XAB2: variants seen among roughly 807,000 people sequenced by gnomAD.
XAB2 encodes XPA binding protein 2.
XAB2 carries 57 observed loss-of-function variants against 113.4 expected under a neutral mutation model. The ratio of observed to expected loss-of-function variants is 0.50; its 90% CI spans 0.41 to 0.63. The LOEUF (loss-of-function observed/expected upper bound fraction) is 0.63, where lower values mean the gene tolerates loss of function less well. Among genes scored for constraint, XAB2 ranks in the 20% least tolerant of loss-of-function variants. The pLI is 0.00. For synonymous variants in XAB2, 497 were observed against 498.8 expected (o/e 1.00, Z 0.05); for missense variants, 1,037 against 1,233.3 (o/e 0.84, Z 2.38).
chr19:7,626,220 G>A lies in XAB2; in HGVS notation c.573C>T (p.Asp191=). Reference sequence around the variant, plus strand: ...GGCGCTGGGCGGCCTCATCCAGCCGGTCACTTGACTTGAGGTACTCAATGT... The same window carrying A: ...GGCGCTGGGCGGCCTCATCCAGCCGATCACTTGACTTGAGGTACTCAATGT... The part of the protein sequence containing the change: ...EEYIEYLKSS[D]RLDEAAQRLA... Residue 191 remains aspartate (D), a synonymous_variant, in exon 5 of 19, where the codon GAC becomes GAT. Transcript: ENST00000358368. 1.2e-6 allele frequency: 2 copies of A among 1,613,700 alleles called. No individual in the cohort carries two copies. The highest frequency in any genetic ancestry group is 1.7e-6 in the Non-Finnish European group (2 of 1,180,024).
In XAB2 at chr19:7,627,866, G is replaced by A; in HGVS notation, c.201-15C>T. 7 of 1,609,986 alleles carry A rather than the reference G, an allele frequency of 4.3e-6. No homozygotes were observed. In the African/African-American group the frequency reaches 6.7e-5, roughly 15 times the overall value. ...AGAGTTTGTAGCTGGGGAATAGGAG[G>A]GGACAGATGCTGATCGGTCAGCTTT... On this transcript the variant is annotated splice_polypyrimidine_tract_variant and intron_variant, in intron 2 of 18. Coordinates refer to ENST00000358368, the MANE Select transcript of XAB2 (RefSeq NM_020196.3). This position sits in a 1 kb window ranked among gnomAD's most constrained non-coding sequence, Gnocchi z 4.5.
Position 7,620,453 on chromosome 19 carries a change from G to A in XAB2, c.2095-7C>T. The A allele has an allele frequency of 6.2e-7, 1 of 1,608,252 alleles. No homozygotes were observed. The highest frequency in any genetic ancestry group is 8.5e-7 in the Non-Finnish European group (1 of 1,177,840). On this transcript the variant is annotated splice_polypyrimidine_tract_variant and splice_region_variant and intron_variant, in intron 15 of 18. Transcript: ENST00000358368. The stretch of plus-strand genomic sequence containing the variant: ...GCCAGAACGCGCCGGTCGTCTGCGT[G>A]GGGGGCAGGGCAGGGGTGGGTGTGT...
Position 7,623,118 on chromosome 19 carries a change from AC to A in XAB2, c.1239+51del. ...TACACACACATACATGCACACATAT[AC>A]AAGCACACACACATGCATGAACACA... On this transcript the variant is annotated intron_variant, in intron 9 of 18. Coordinates refer to ENST00000358368, the MANE Select transcript of XAB2 (RefSeq NM_020196.3). This position sits in a 1 kb window ranked among gnomAD's most constrained non-coding sequence, Gnocchi z 4.6. 2 of 1,604,192 alleles carry A rather than the reference AC, an allele frequency of 1.2e-6. No individual in the cohort carries two copies. The highest frequency in any genetic ancestry group is 3.3e-5 in the Admixed American group (2 of 59,872).
At chr19:7,619,918 C>T (rs1480914176) in intron 17 of XAB2, 28 bp downstream of exon 17, 1 of 1,609,742 alleles carries the variant, frequency 6.2e-7, no homozygotes, top group East Asian at 2.2e-5. Flanking sequence ...CTGTCCCAGT[C>T]CTGTCCCGTC....
Position 7,624,531 on chromosome 19 carries a change from AC to A in XAB2, c.823-87del, listed in dbSNP as rs34571375. 1.9e-4 allele frequency: 310 copies of A among 1,591,290 alleles called. No homozygotes were observed. The East Asian group carries it at 4.1e-3, about 21-fold the overall frequency. On this transcript the variant is annotated intron_variant, in intron 6 of 18. Coordinates refer to ENST00000358368, the MANE Select transcript of XAB2 (RefSeq NM_020196.3). This position sits in a 1 kb window ranked among gnomAD's most constrained non-coding sequence, Gnocchi z 4.2. The stretch of plus-strand genomic sequence containing the variant: ...CTCTTAGCACCAGCCTCAATGTGGA[AC>A]CCCTGGGGGCCTTCTGGGTAGTGAC...
intron 12 of XAB2, chr19:7,621,773 C>A (rs943327123): frequency 1.1e-5 from 2 of 190,264 alleles, no homozygotes; most frequent in African/African-American, 4.7e-5. Flanking sequence ...CAACCCACCC[C>A]CTGGACCCCA....
Position 7,623,093 on chromosome 19 carries a change from T to TACACACACATACATGC in XAB2, c.1239+61_1239+76dup, listed in dbSNP as rs1279168546. 4 of 1,588,240 alleles carry TACACACACATACATGC rather than the reference T, an allele frequency of 2.5e-6. No individual in the cohort carries two copies. The highest frequency in any genetic ancestry group is 3.4e-6 in the Non-Finnish European group (4 of 1,166,752). On this transcript the variant is annotated intron_variant, in intron 9 of 18. Coordinates refer to ENST00000358368, the MANE Select transcript of XAB2 (RefSeq NM_020196.3). The surrounding 1 kb of genome is among the most constrained non-coding windows in gnomAD (Gnocchi z 4.6). ...GTGCACACATCCATGCACAAATATG[T>TACACACACATACATGC]ACACACACATACATGCACACATATA...
rs1213722069 is a variant in XAB2, at chr19:7,620,317, C to T, written c.2224G>A (p.Ala742Thr). Residue 742 changes from alanine to threonine, a missense_variant, in exon 16 of 19, where the codon GCC (alanine) becomes ACC (threonine). Physicochemically the swap from Ala to Thr is moderately conservative, Grantham distance 58 (BLOSUM62 0). Transcript: ENST00000358368. Reference sequence around the variant, plus strand: ...CCCGAGACCTTGAGCATCTGCGAGGCCATGAAGTTGACCTGCGTGTTGTAC... The same window carrying T: ...CCCGAGACCTTGAGCATCTGCGAGGTCATGAAGTTGACCTGCGTGTTGTAC... ...ATYNTQVNFM[A>T]SQMLKVSGSA... 1.9e-6 allele frequency: 3 copies of T among 1,613,704 alleles called. No homozygotes were observed. The highest frequency in any genetic ancestry group is 2.5e-6 in the Non-Finnish European group (3 of 1,180,020).
chr19:7,629,400 AC>A, intron 1 of XAB2, 76 bp downstream of exon 1: 1 of 1,534,894 alleles, frequency 6.5e-7, no homozygotes, highest in Non-Finnish European at 8.8e-7. Flanking sequence ...CTCCTTGCCG[AC>A]CCAGCCTCGA....
intron 9 of XAB2, 60 bp from the exon 10 acceptor site, chr19:7,622,953 A>G: frequency 1.3e-6 from 2 of 1,587,270 alleles, no homozygotes; most frequent in Non-Finnish European, 1.7e-6. Context: ...TCCCACCATC[A>G]AGGGTCAGAA....
chr19:7,627,177 G>A lies in XAB2; in HGVS notation c.522+66C>T. On this transcript the variant is annotated intron_variant, in intron 4 of 18. Coordinates refer to ENST00000358368, the MANE Select transcript of XAB2 (RefSeq NM_020196.3). The surrounding 1 kb of genome is among the most constrained non-coding windows in gnomAD (Gnocchi z 4.5). ...TCTGCTGGGTGACATCCTACGCGGA[G>A]CTAGTGTCACAGTGAGGCCGTTTCT... The A allele has an allele frequency of 1.9e-6, 3 of 1,561,748 alleles. No individual in the cohort carries two copies. The highest frequency in any genetic ancestry group is 2.2e-5 in the East Asian group (1 of 44,568).
Position 7,622,405 on chromosome 19 carries a change from T to A in XAB2, c.1543A>T (p.Ile515Phe). Residue 515 changes from isoleucine to phenylalanine, a missense_variant, in exon 12 of 19, where the codon ATC becomes TTC. Physicochemically the swap from Ile to Phe is conservative, Grantham distance 21. Coordinates refer to ENST00000358368, the MANE Select transcript of XAB2 (RefSeq NM_020196.3). ...AVYDRILDLR[I>F]ATPQIVINYA... ...TTGATGACGATCTGGGGTGTTGCGA[T>A]ACGCAGGTCCAGGATGCGGTCGTAC... is the stretch of plus-strand genomic sequence containing the variant. The A allele has an allele frequency of 6.2e-7, 1 of 1,614,180 alleles. No homozygotes were observed. Among genetic ancestry groups the A allele is most frequent in the Non-Finnish European group, 8.5e-7 (1 of 1,180,032 alleles).
Position 7,620,065 on chromosome 19 carries a change from C to G in XAB2, c.2277G>C (p.Leu759=). Residue 759 remains leucine (L), a synonymous_variant, in exon 17 of 19, where the codon CTG becomes CTC. Transcript: ENST00000358368. ...SGSATGTVSD[L]APGQSGMDDM... is the part of the protein sequence containing the mutation. ...CGTCCATGCCACTCTGCCCAGGGGC[C>G]AGGTCAGACACTAGGGGGTGGGAGC... 1 of 1,611,706 alleles carries G rather than the reference C, an allele frequency of 6.2e-7. No individual in the cohort carries two copies. The highest frequency in any genetic ancestry group is 8.5e-7 in the Non-Finnish European group (1 of 1,179,954).
chr19:7,623,603 G>A lies in XAB2; in HGVS notation c.1119+128C>T, dbSNP rs2031080469. ...GGGCAGGAGGAGAACCCCAAGAACAGGGGTGGAATTGGACCTACTAAGCAA... is the reference window on the plus strand; with the variant it reads ...GGGCAGGAGGAGAACCCCAAGAACAAGGGTGGAATTGGACCTACTAAGCAA... On this transcript the variant is annotated intron_variant, in intron 8 of 18. Transcript: ENST00000358368. The surrounding 1 kb of genome is among the most constrained non-coding windows in gnomAD (Gnocchi z 4.6). The A allele has an allele frequency of 2.3e-6, 3 of 1,321,720 alleles. No homozygotes were observed. The highest frequency in any genetic ancestry group is 1.5e-5 in the African/African-American group (1 of 67,930). 81.9% of individuals were successfully genotyped at this position (1,321,720 alleles called of 1,614,324 possible).
chr19:7,621,094 A>AAACCCCCCCCCCC, intron 13 of XAB2, 41 bp downstream of exon 13: 8 of 1,494,356 alleles, frequency 5.4e-6, no homozygotes, highest in Middle Eastern at 2.3e-4. Context: ...TCAGAAACCC[A>AAACCCCCCCCCCC]GCCCGCCCGC....
Position 7,623,892 on chromosome 19 carries a change from G to A in XAB2, c.968-10C>T, listed in dbSNP as rs1168488161. On this transcript the variant is annotated splice_polypyrimidine_tract_variant and intron_variant, in intron 7 of 18. Coordinates refer to ENST00000358368, the MANE Select transcript of XAB2 (RefSeq NM_020196.3). This position sits in a 1 kb window ranked among gnomAD's most constrained non-coding sequence, Gnocchi z 4.6. ...TCCAGGTCCACATCATCTGGGAGCCGCGAACATGTTTGTCAGGGGCGGAGA... is the reference window on the plus strand; with the variant it reads ...TCCAGGTCCACATCATCTGGGAGCCACGAACATGTTTGTCAGGGGCGGAGA... 7.1e-6 allele frequency: 11 copies of A among 1,554,106 alleles called. No individual in the cohort carries two copies. Among genetic ancestry groups the A allele is most frequent in the African/African-American group, 2.7e-5 (2 of 73,422 alleles).
rs1196631765 is a variant in XAB2, at chr19:7,625,198, A to G, written c.822+682T>C. On this transcript the variant is annotated intron_variant, in intron 6 of 18. Coordinates refer to ENST00000358368, the MANE Select transcript of XAB2 (RefSeq NM_020196.3). This position sits in a 1 kb window ranked among gnomAD's most constrained non-coding sequence, Gnocchi z 5.2. The stretch of plus-strand genomic sequence containing the variant: ...CCACTGCCTGCCAAGAGCCACAGTC[A>G]GCTAACCCCTGAGGGAGTGGCCCTC... Among the ~76,000 whole-genome samples the G allele has an allele frequency of 6.6e-6, 1 of 152,144 alleles. No homozygotes were observed. The highest frequency in any genetic ancestry group is 2.4e-5 in the African/African-American group (1 of 41,428).
At chr19:7,621,642 G>A in intron 12 of XAB2, 1 of 337,332 alleles carries the variant, frequency 3.0e-6, no homozygotes. Context: ...GCAGGCAGTA[G>A]CACGCGTATG....
At chr19:7,620,117 C>A in intron 16 of XAB2, 42 bp from the exon 17 acceptor site, 10 of 1,603,026 alleles carry the variant, frequency 6.2e-6, no homozygotes, top group Non-Finnish European at 7.6e-6. Context: ...GGGGGCCCCT[C>A]CCACACATCG....
Sources: gnomAD v4.1 joint callset for allele counts (sites outside exome capture counted in the v4.1 genomes callset) on GRCh38, gnomAD v4.1.1 for gene constraint, Gnocchi (gnomAD v3.1) non-coding constraint, MANE v1.5 for transcripts, NCBI Gene and HGNC (gene_info 2026-07-23, HGNC 2026-07-21) for gene names.